Variants in LPCAT2 observed in about 807,000 individuals in gnomAD.
LPCAT2 encodes the protein lysophosphatidylcholine acyltransferase 2.
Under a neutral mutation model 64.7 loss-of-function variants are expected in LPCAT2, and 58 were observed. That is an observed-to-expected ratio of 0.90 (90% CI 0.73 to 1.12). The LOEUF (loss-of-function observed/expected upper bound fraction) is 1.12. LPCAT2 is among the 50% of genes most tolerant of loss of function. The pLI, the probability that LPCAT2 is intolerant of heterozygous loss-of-function variation, is 0.00. For missense variants in LPCAT2, 579 were observed against 669.8 expected, an observed-to-expected ratio of 0.86 and a Z score of 1.50; for synonymous variants, 252 against 245.3, an observed-to-expected ratio of 1.03 and a Z score of -0.26.
intron 11 of LPCAT2, among the ~76,000 whole-genome samples, chr16:55,572,968 A>G (rs1963787456): frequency 6.6e-6 from 1 of 152,226 alleles, no homozygotes; most frequent in African/African-American, 2.4e-5. Flanking sequence ...AAACAAAAAC[A>G]GCTCTCTGAC....
At chr16:55,533,406 G>GTTTTTTTTTTTTTTT (rs11335464) in intron 6 of LPCAT2, among the ~76,000 whole-genome samples, 9 of 96,454 alleles carry the variant, frequency 9.3e-5, no homozygotes, top group South Asian at 3.8e-4. Context: ...TGTTTTTCGG[G>GTTTTTTTTTTTTTTT]TTTTTTTTTT....
At chr16:55,566,694 C>T (rs1963700775) in intron 11 of LPCAT2, 1 of 1,525,810 alleles carries the variant, frequency 6.6e-7, no homozygotes, top group Admixed American at 2.1e-5. Flanking sequence ...ACTTGAACTC[C>T]ATTTCATCTT....
At chr16:55,567,447 G>A (rs2142414036) in intron 11 of LPCAT2, 1 of 1,613,858 alleles carries the variant, frequency 6.2e-7, no homozygotes, top group Non-Finnish European at 8.5e-7. Flanking sequence ...TAGAGATAGA[G>A]ATGGCCTGAT....
chr16:55,516,479 A>C (rs1285675981), intron 1 of LPCAT2, among the ~76,000 whole-genome samples: 2 of 151,988 alleles, frequency 1.3e-5, no homozygotes, highest in Non-Finnish European at 1.5e-5. Flanking sequence ...CCATGCAAAC[A>C]GTAGCCAGGA....
intron 11 of LPCAT2, among the ~76,000 whole-genome samples, chr16:55,570,587 G>A (rs1963759107): frequency 6.6e-6 from 1 of 152,106 alleles, no homozygotes; most frequent in African/African-American, 2.4e-5. Flanking sequence ...GACATAGGGA[G>A]ACCCTGTCTT....
At chr16:55,528,257 GCT>G in intron 2 of LPCAT2, 118 bp from the exon 3 acceptor site, 1 of 711,332 alleles carries the variant, frequency 1.4e-6, no homozygotes, top group South Asian at 1.9e-5. Context: ...ATTCTCCTCA[GCT>G]CATATTTTCA....
chr16:55,582,989 G>A lies in LPCAT2; in HGVS notation c.1526G>A (p.Cys509Tyr). The A allele has an allele frequency of 1.2e-6, 2 of 1,613,658 alleles. No homozygotes were observed. Among genetic ancestry groups the A allele is most frequent in the Middle Eastern group, 1.7e-4 (1 of 6,058 alleles). The part of the protein sequence containing the change: ...IFTTYLDLQT[C>Y]HVFSLPKEVQ... ...ACAACATACCTAGACCTCCAGACGT[G>A]CCATGTGTTTTCATTACCAAAAGAA... Residue 509 changes from cysteine (C) to tyrosine (Y), a missense_variant, in exon 14 of 14, where the codon TGC becomes TAC. Coordinates refer to ENST00000262134, the MANE Select transcript of LPCAT2 (RefSeq NM_017839.5).
At chr16:55,571,799 CT>C (rs1223539893) in intron 11 of LPCAT2, among the ~76,000 whole-genome samples, 1 of 152,084 alleles carries the variant, frequency 6.6e-6, no homozygotes, top group Non-Finnish European at 1.5e-5. Context: ...TTTTATCAAG[CT>C]ATTTGCTTTA....
intron 9 of LPCAT2, among the ~76,000 whole-genome samples, chr16:55,547,085 T>A (rs1963462139): frequency 6.6e-6 from 1 of 151,884 alleles, no homozygotes; most frequent in South Asian, 2.1e-4. Flanking sequence ...AGGCAGAGGT[T>A]GCAGTCAGCC....
At chr16:55,568,158 C>G (rs201025566) in intron 11 of LPCAT2, among the ~76,000 whole-genome samples, 2 of 15,264 alleles carry the variant, frequency 1.3e-4, no homozygotes, top group South Asian at 4.0e-3. Flanking sequence ...TAAAAAAAAG[C>G]ACTAGCAATT....
chr16:55,566,858 A>G, intron 11 of LPCAT2: 1 of 1,613,850 alleles, frequency 6.2e-7, no homozygotes, highest in Non-Finnish European at 8.5e-7. Flanking sequence ...AAGGAGGAGG[A>G]AGAAATATTG....
intron 1 of LPCAT2, among the ~76,000 whole-genome samples, chr16:55,517,181 C>G (rs1282004376): frequency 1.3e-5 from 2 of 151,362 alleles, no homozygotes; most frequent in Non-Finnish European, 2.9e-5. Flanking sequence ...CTGACTTTTC[C>G]AAAATAAAAA....
chr16:55,514,593 C>A (rs184575732), intron 1 of LPCAT2, among the ~76,000 whole-genome samples: 31 of 152,264 alleles, frequency 2.0e-4, no homozygotes, highest in Admixed American at 1.9e-3. Context: ...CCACAACAAA[C>A]CCTGGAAGGG....
intron 12 of LPCAT2, among the ~76,000 whole-genome samples, chr16:55,576,169 T>C (rs1271138328): frequency 2.1e-5 from 3 of 142,824 alleles, no homozygotes; most frequent in Non-Finnish European, 4.5e-5. Flanking sequence ...AAAGGAGGGC[T>C]TAAAACTATA....
At chr16:55,542,298 G>C (rs1311103394) in intron 8 of LPCAT2, among the ~76,000 whole-genome samples, 1 of 152,260 alleles carries the variant, frequency 6.6e-6, no homozygotes, top group East Asian at 1.9e-4. Flanking sequence ...TCTGGGACAG[G>C]ATGGTGCAAA....
At chr16:55,536,133 A>G (rs1963321057) in intron 7 of LPCAT2, among the ~76,000 whole-genome samples, 1 of 152,156 alleles carries the variant, frequency 6.6e-6, no homozygotes, top group Non-Finnish European at 1.5e-5. Flanking sequence ...TATTATTAGC[A>G]CTGTGTCTGT....
At position 55,537,635 on chromosome 16, in the gene LPCAT2, A is replaced by G. The variant is rs1375812197; in HGVS notation, c.852+3A>G. 2.5e-6 allele frequency: 4 copies of G among 1,613,038 alleles called. No individual in the cohort carries two copies. The highest frequency in any genetic ancestry group is 1.3e-5 in the African/African-American group (1 of 74,860). On this transcript the variant is annotated splice_donor_region_variant and intron_variant, in intron 8 of 13. Coordinates refer to ENST00000262134, the MANE Select transcript of LPCAT2 (RefSeq NM_017839.5). ...TCTTCACAAAGGTAGAAGTTGAGGTAAGTCATTCAAAATGTGGCCTTGGAA... is the reference window on the plus strand; with the variant it reads ...TCTTCACAAAGGTAGAAGTTGAGGTGAGTCATTCAAAATGTGGCCTTGGAA...
At chr16:55,533,777 T>A (rs1172665006) in intron 6 of LPCAT2, among the ~76,000 whole-genome samples, 1 of 152,100 alleles carries the variant, frequency 6.6e-6, no homozygotes, top group African/African-American at 2.4e-5. Flanking sequence ...GTTGGGTACA[T>A]TGTTGTCCTC....
At chr16:55,554,094 C>T (rs940132167) in intron 11 of LPCAT2, among the ~76,000 whole-genome samples, 14 of 152,168 alleles carry the variant, frequency 9.2e-5, no homozygotes, top group Admixed American at 3.3e-4. Flanking sequence ...TTATAGAACA[C>T]AGACAGAGTA....
Sources: allele counts gnomAD v4.1 joint callset (sites outside exome capture counted in the v4.1 genomes callset), GRCh38; gene constraint gnomAD v4.1.1; transcripts MANE v1.5; gene names NCBI Gene and HGNC (gene_info 2026-07-23, HGNC 2026-07-21).